The following DNPH1 variants were observed in gnomAD, a reference collection of about 807,000 sequenced individuals.
The protein encoded by DNPH1 is 2'-deoxynucleoside 5'-phosphate N-hydrolase 1, also known as 5-hydroxymethyl-dUMP N-hydrolase.
Under a neutral mutation model 15.7 loss-of-function variants are expected in DNPH1, and 18 were observed. The ratio of observed to expected loss-of-function variants is 1.15; its 90% CI spans 0.79 to 1.70. The LOEUF (loss-of-function observed/expected upper bound fraction) is 1.70. DNPH1 is among the 40% of genes most tolerant of loss of function. The pLI, the probability that DNPH1 is intolerant of heterozygous loss-of-function variation, is 0.00. For missense variants in DNPH1, 262 were observed against 255.2 expected (o/e 1.03, Z -0.18); for synonymous variants, 114 against 107.9 (o/e 1.06, Z -0.35).
At position 43,226,245 on chromosome 6, in the gene DNPH1, T is replaced by C; in HGVS notation, c.265+82A>G. The C allele has an allele frequency of 3.1e-6, 5 of 1,600,576 alleles. No homozygotes were observed. In the South Asian group the frequency reaches 4.4e-5, roughly 14 times the overall value. On this transcript the variant is annotated intron_variant, in intron 2 of 3. Transcript: ENST00000230431. This position sits in a 1 kb window ranked among gnomAD's most constrained non-coding sequence, Gnocchi z 4.1. The stretch of plus-strand genomic sequence containing the variant: ...GTGAGGAGGGAACTCTGGGAGTCCC[T>C]TCTAGGTGTGGAGGCTGGGATGTCC...
In DNPH1 at chr6:43,226,106, T is replaced by C; in HGVS notation, c.303A>G (p.Val101=). The C allele has an allele frequency of 6.2e-7, 1 of 1,613,566 alleles. No individual in the cohort carries two copies. Among genetic ancestry groups the C allele is most frequent in the Non-Finnish European group, 8.5e-7 (1 of 1,179,984 alleles). ...CCACGGCCCGGCCCAGCTCATAGCC[T>C]ACACCCAAGGATGGCTGTGTCACTT... ...VAEVTQPSLG[V]GYELGRAVAF... The change falls in exon 3 of 4, where the codon GTA becomes GTG. Residue 101 remains valine, a synonymous_variant. Transcript: ENST00000230431. The surrounding 1 kb of genome is among the most constrained non-coding windows in gnomAD (Gnocchi z 4.1).
intron 1 of DNPH1, chr6:43,228,984 AAAG>A (rs1776782433): frequency 3.2e-6 from 1 of 313,752 alleles, no homozygotes; most frequent in Non-Finnish European, 6.3e-6. Flanking sequence ...AAACGCTCTG[AAAG>A]CAGCTGAAGA....
rs756390224 is a variant in DNPH1 at position 43,226,309 on chromosome 6, G to A, written c.265+18C>T. ...ACTCCAGAGGAGTTAGGTGCTGGAA[G>A]GAGGGAGCGCCACTCACCGTCCGCC... On this transcript the variant is annotated intron_variant, in intron 2 of 3. Coordinates refer to ENST00000230431, the MANE Select transcript of DNPH1 (RefSeq NM_006443.3). This position sits in a 1 kb window ranked among gnomAD's most constrained non-coding sequence, Gnocchi z 4.1. The A allele has an allele frequency of 7.9e-5, 128 of 1,610,902 alleles. No homozygotes were observed. Among genetic ancestry groups the A allele is most frequent in the Non-Finnish European group, 1.0e-4 (121 of 1,179,422 alleles).
At chr6:43,228,826 AAAAACAAAAC>A (rs765662477) in intron 1 of DNPH1, among the ~76,000 whole-genome samples, 2 of 152,238 alleles carry the variant, frequency 1.3e-5, no homozygotes, top group Non-Finnish European at 2.9e-5. Flanking sequence ...ATTCCGTTTC[AAAAACAAAAC>A]AAAACAAAAC....
Position 43,226,363 on chromosome 6 carries a change from G to A in DNPH1, c.229C>T (p.His77Tyr). 1 of 1,612,934 alleles carries A rather than the reference G, an allele frequency of 6.2e-7. No individual in the cohort carries two copies. Among genetic ancestry groups the A allele is most frequent in the East Asian group, 2.2e-5 (1 of 44,874 alleles). The change falls in exon 2 of 4, where the codon CAT becomes TAT. Residue 77 changes from histidine to tyrosine, a missense_variant. His to Tyr is a moderately conservative substitution (Grantham distance 83). Transcript: ENST00000230431. The surrounding 1 kb of genome is among the most constrained non-coding windows in gnomAD (Gnocchi z 4.1). Reference sequence around the variant, plus strand: ...TGCAGCCACTCCAGGTCCTGCTCATGGATGAGCCTGTCACCCCCAGCAGCC... The same window carrying A: ...TGCAGCCACTCCAGGTCCTGCTCATAGATGAGCCTGTCACCCCCAGCAGCC... The part of the protein sequence containing the change: ...EEAAGGDRLI[H>Y]EQDLEWLQQA...
At chr6:43,229,198 G>A (rs1776786530) in intron 1 of DNPH1, 63 bp downstream of exon 1, 1 of 1,291,308 alleles carries the variant, frequency 7.7e-7, no homozygotes, top group South Asian at 2.0e-5. Flanking sequence ...GACAGGCCGG[G>A]TCCCTGCCAC....
rs1230633960 is a variant in DNPH1 at position 43,225,810 on chromosome 6, C to T, written c.448G>A (p.Val150Met). Residue 150 changes from valine to methionine, a missense_variant, in exon 4 of 4, where the codon GTG becomes ATG. By Grantham distance (21) the Val-to-Met change is conservative. Coordinates refer to ENST00000230431, the MANE Select transcript of DNPH1 (RefSeq NM_006443.3). ...AAGTATCGATCCAGCAGGGCCTCCA[C>T]CTCTCCCTCCTCATAGTCCCACACC... ...FQVWDYEEGE[V>M]EALLDRYFEA... 3.1e-6 allele frequency: 5 copies of T among 1,614,090 alleles called. No individual in the cohort carries two copies. Among genetic ancestry groups the T allele is most frequent in the East Asian group, 2.2e-5 (1 of 44,896 alleles).
chr6:43,229,268 G>T lies in DNPH1; in HGVS notation c.189C>A (p.Gly63=). The T allele has an allele frequency of 7.0e-7, 1 of 1,424,686 alleles. No homozygotes were observed. The highest frequency in any genetic ancestry group is 9.2e-7 in the Non-Finnish European group (1 of 1,087,616). 88.3% of individuals were successfully genotyped at this position (1,424,686 alleles called of 1,614,324 possible). ...LTEHVAAAEL[G]ARGEEAAGGD... is the part of the protein sequence containing the mutation. ...GCGGCCCCAGGGCCTCACCGCGCGC[G>T]CCCAGCTCGGCGGCCGCCACGTGCT... Residue 63 remains glycine, a synonymous_variant, in exon 1 of 4, where the codon GGC becomes GGA. Transcript: ENST00000230431.
At chr6:43,227,158 T>C in intron 1 of DNPH1, among the ~76,000 whole-genome samples, 1 of 151,824 alleles carries the variant, frequency 6.6e-6, no homozygotes, top group South Asian at 2.1e-4. Flanking sequence ...GGCTCACGCC[T>C]GTAATCCCAG....
chr6:43,225,967 G>T (rs768896807), intron 3 of DNPH1, 66 bp downstream of exon 3: 13 of 1,613,190 alleles, frequency 8.1e-6, no homozygotes, highest in South Asian at 3.3e-5. Flanking sequence ...GGTGCTCAGA[G>T]CCCACCAGGG....
intron 1 of DNPH1, among the ~76,000 whole-genome samples, chr6:43,227,093 C>A (rs1776754084): frequency 6.7e-6 from 1 of 149,004 alleles, no homozygotes; most frequent in Admixed American, 6.8e-5. Context: ...GGCAACAGAG[C>A]AAAACTCCAT....
intron 1 of DNPH1, among the ~76,000 whole-genome samples, chr6:43,227,705 A>G (rs1162844295): frequency 6.6e-6 from 1 of 152,008 alleles, no homozygotes; most frequent in Non-Finnish European, 1.5e-5. Flanking sequence ...GAAACCACTT[A>G]AGGTTTTCTG....
In DNPH1 at chr6:43,227,065, C is replaced by T. The variant is rs1052409254; in HGVS notation, c.197-670G>A. On this transcript the variant is annotated intron_variant, in intron 1 of 3. Transcript: ENST00000230431. ...GAAGTTGCAGTGAGCTGAGATCGCA[C>T]CACTGCACTCCAGCCTGGGCAACAG... is the stretch of plus-strand genomic sequence containing the variant. Among the ~76,000 whole-genome samples, 10 of 151,698 alleles carry T rather than the reference C, an allele frequency of 6.6e-5. No homozygotes were observed. In the Middle Eastern group the frequency reaches 0.01, roughly 155 times the overall value.
Position 43,229,432 on chromosome 6 carries a change from G to C in DNPH1, c.25C>G (p.Arg9Gly), listed in dbSNP as rs1004930254. 1 of 1,384,568 alleles carries C rather than the reference G, an allele frequency of 7.2e-7. No individual in the cohort carries two copies. Among genetic ancestry groups the C allele is most frequent in the South Asian group, 1.6e-5 (1 of 62,364 alleles). 85.8% of individuals were successfully genotyped at this position (1,384,568 alleles called of 1,614,324 possible). A position where few individuals can be genotyped will look rare whatever the true frequency, so the allele number is the denominator to read the frequency against. ...TCCCCGCGCTCCCAGCTCTCGCTGC[G>C]CCCCGGCACCATGGCAGCAGCCATT... Reference protein sequence around the residue: MAAAMVPGRSESWERGEPG... With the variant: MAAAMVPGGSESWERGEPG... Residue 9 changes from arginine to glycine, a missense_variant, in exon 1 of 4, where the codon CGC (arginine) becomes GGC (glycine). By Grantham distance (125) the Arg-to-Gly change is moderately radical (BLOSUM62 -2). Coordinates refer to ENST00000230431, the MANE Select transcript of DNPH1 (RefSeq NM_006443.3).
chr6:43,226,204 C>G lies in DNPH1; in HGVS notation c.266-61G>C. On this transcript the variant is annotated intron_variant, in intron 2 of 3. Coordinates refer to ENST00000230431, the MANE Select transcript of DNPH1 (RefSeq NM_006443.3). The surrounding 1 kb of genome is among the most constrained non-coding windows in gnomAD (Gnocchi z 4.1). Reference sequence around the variant, plus strand: ...GGGCACTTGAGGTTCATAAGGAAGACGACGGTGTGGCTGTGGTGAGGAGGG... The same window carrying G: ...GGGCACTTGAGGTTCATAAGGAAGAGGACGGTGTGGCTGTGGTGAGGAGGG... The G allele has an allele frequency of 6.2e-7, 1 of 1,605,958 alleles. No individual in the cohort carries two copies. Among genetic ancestry groups the G allele is most frequent in the Non-Finnish European group, 8.5e-7 (1 of 1,177,502 alleles).
Position 43,226,497 on chromosome 6 carries a change from G to T in DNPH1, c.197-102C>A. 1 of 1,036,550 alleles carries T rather than the reference G, an allele frequency of 9.6e-7. No homozygotes were observed. Among genetic ancestry groups the T allele is most frequent in the Non-Finnish European group, 1.4e-6 (1 of 731,782 alleles). 64.2% of individuals were successfully genotyped at this position (1,036,550 alleles called of 1,614,324 possible). ...CCCACCCTGCTCAGGGAGGGTGGGA[G>T]CCTTGTGCCAGATGACCTGACCAAA... On this transcript the variant is annotated intron_variant, in intron 1 of 3. Transcript: ENST00000230431. This position sits in a 1 kb window ranked among gnomAD's most constrained non-coding sequence, Gnocchi z 4.1.
chr6:43,228,697 G>A (rs1389830428), intron 1 of DNPH1, among the ~76,000 whole-genome samples: 7 of 151,580 alleles, frequency 4.6e-5, no homozygotes, highest in African/African-American at 1.7e-4. Flanking sequence ...GTGGTGACGC[G>A]TGCCTGTAGT....
chr6:43,226,227 G>T lies in DNPH1; in HGVS notation c.266-84C>A. ...GACGACGGTGTGGCTGTGGTGAGGA[G>T]GGAACTCTGGGAGTCCCTTCTAGGT... On this transcript the variant is annotated intron_variant, in intron 2 of 3. Transcript: ENST00000230431. The surrounding 1 kb of genome is among the most constrained non-coding windows in gnomAD (Gnocchi z 4.1). 1 of 1,600,162 alleles carries T rather than the reference G, an allele frequency of 6.2e-7. No individual in the cohort carries two copies. Among genetic ancestry groups the T allele is most frequent in the Non-Finnish European group, 8.5e-7 (1 of 1,174,510 alleles).
intron 1 of DNPH1, chr6:43,228,941 A>G (rs1322117932): frequency 4.9e-6 from 1 of 203,390 alleles, no homozygotes; most frequent in Non-Finnish European, 1.0e-5. Flanking sequence ...CAAGCAAAGC[A>G]GCCCAATCTA....
Sources: allele counts gnomAD v4.1 joint callset (sites outside exome capture counted in the v4.1 genomes callset), GRCh38; gene constraint gnomAD v4.1.1; non-coding constraint Gnocchi (gnomAD v3.1); transcripts MANE v1.5; gene names NCBI Gene and HGNC (gene_info 2026-07-23, HGNC 2026-07-21).